TENM4: variants seen among roughly 807,000 people sequenced by gnomAD.
TENM4 encodes teneurin transmembrane protein 4, also known as teneurin-4.
Under a neutral mutation model 243.3 loss-of-function variants are expected in TENM4, and 82 were observed. The ratio of observed to expected loss-of-function variants is 0.34; its 90% CI spans 0.28 to 0.40. The LOEUF (loss-of-function observed/expected upper bound fraction) is 0.40, where lower values mean the gene tolerates loss of function less well. TENM4 is among the 10% of genes least tolerant of loss of function. TENM4 has a pLI of 1.00. For missense variants in TENM4, 3,138 were observed against 3,673.3 expected (o/e 0.85, Z 3.77); for synonymous variants, 1,412 against 1,456.3 (o/e 0.97, Z 0.69).
At chr11:79,119,387 A>G (rs1013134274) in intron 4 of TENM4, among the ~76,000 whole-genome samples, 3 of 151,130 alleles carry the variant, frequency 2.0e-5, no homozygotes, top group Non-Finnish European at 4.4e-5. Context: ...CCTTGTTGTT[A>G]TAAAAATCAT....
chr11:79,437,565 A>G (rs1401336384), intron 1 of TENM4, among the ~76,000 whole-genome samples: 1 of 152,154 alleles, frequency 6.6e-6, no homozygotes, highest in East Asian at 1.9e-4. Flanking sequence ...GCCACCGAGG[A>G]GCCCAAAGTT....
chr11:79,201,855 A>G (rs1209831296), intron 3 of TENM4, among the ~76,000 whole-genome samples: 1 of 152,180 alleles, frequency 6.6e-6, no homozygotes, highest in Admixed American at 6.5e-5. Context: ...GGAATGAGTC[A>G]TCAAGAGGTG....
At chr11:79,344,318 C>T (rs1021313985) in intron 1 of TENM4, among the ~76,000 whole-genome samples, 7 of 152,206 alleles carry the variant, frequency 4.6e-5, no homozygotes, top group East Asian at 1.9e-4. Context: ...AGGGAAGATA[C>T]GTCTCTTCCC....
chr11:79,234,745 G>A (rs1864431919), intron 2 of TENM4, among the ~76,000 whole-genome samples: 1 of 152,142 alleles, frequency 6.6e-6, no homozygotes, highest in Admixed American at 6.5e-5. Flanking sequence ...ATTGCTACGT[G>A]GGAATGGAGG....
intron 6 of TENM4, among the ~76,000 whole-genome samples, chr11:79,013,811 A>G (rs1439748652): frequency 6.6e-6 from 1 of 152,130 alleles, no homozygotes; most frequent in Non-Finnish European, 1.5e-5. Context: ...GCACCCTCCA[A>G]AGGCTCTTCA....
At chr11:78,810,393 G>C (rs1425371869) in intron 14 of TENM4, among the ~76,000 whole-genome samples, 1 of 152,302 alleles carries the variant, frequency 6.6e-6, no homozygotes, top group East Asian at 1.9e-4. Context: ...ATCTGGGGAA[G>C]GACGACTGCC....
chr11:79,204,990 T>C (rs1046155602), intron 3 of TENM4, among the ~76,000 whole-genome samples: 1 of 152,186 alleles, frequency 6.6e-6, no homozygotes, highest in Non-Finnish European at 1.5e-5. Flanking sequence ...TACATACATA[T>C]GTAGTAAAAG....
chr11:78,893,842 A>G (rs143929769), intron 7 of TENM4, among the ~76,000 whole-genome samples: 37 of 133,162 alleles, frequency 2.8e-4, no homozygotes, highest in Middle Eastern at 4.0e-3. Context: ...AAAATAAAGC[A>G]ATACCGGAGC....
rs981453528 is a variant in TENM4, at chr11:79,235,359, T to C, written c.-264-19450A>G. On this transcript the variant is annotated intron_variant, in intron 2 of 33. Transcript: ENST00000278550. The stretch of plus-strand genomic sequence containing the variant: ...CCTGACAAGCATTCCAGTCAAATTC[T>C]GAGAGACAGGGTGGCCCCCCTGTAG... Among the ~76,000 whole-genome samples the C allele has an allele frequency of 2.6e-5, 4 of 152,050 alleles. No homozygotes were observed. In the East Asian group the frequency reaches 7.7e-4, roughly 29 times the overall value.
chr11:78,930,813 T>C (rs916038726), intron 6 of TENM4, among the ~76,000 whole-genome samples: 3 of 152,344 alleles, frequency 2.0e-5, no homozygotes, highest in Admixed American at 2.0e-4. Flanking sequence ...TTCTTCTGAC[T>C]GTGGCAATGA....
intron 15 of TENM4, among the ~76,000 whole-genome samples, chr11:78,802,771 G>A (rs1348003038): frequency 6.6e-6 from 1 of 152,192 alleles, no homozygotes; most frequent in Admixed American, 6.5e-5. Context: ...CTCAACAAAC[G>A]CCAATTGTTT....
intron 1 of TENM4, among the ~76,000 whole-genome samples, chr11:79,333,199 C>A (rs981817742): frequency 3.3e-5 from 5 of 151,992 alleles, no homozygotes; most frequent in African/African-American, 1.2e-4. Context: ...ACATTCAAAA[C>A]AAGGTCTGTC....
At chr11:79,066,248 G>A (rs939005370) in intron 5 of TENM4, among the ~76,000 whole-genome samples, 2 of 152,160 alleles carry the variant, frequency 1.3e-5, no homozygotes, top group African/African-American at 2.4e-5. Context: ...GAGCTTAGAG[G>A]AGAGGTTTGC....
intron 1 of TENM4, among the ~76,000 whole-genome samples, chr11:79,349,188 C>T (rs1036538537): frequency 1.3e-5 from 2 of 152,174 alleles, no homozygotes. Flanking sequence ...TTGAAATTGT[C>T]ACCCCATTTA....
At chr11:79,050,930 C>T (rs1293212622) in intron 6 of TENM4, among the ~76,000 whole-genome samples, 2 of 152,106 alleles carry the variant, frequency 1.3e-5, no homozygotes, top group Non-Finnish European at 2.9e-5. Context: ...TCATCTCTGG[C>T]AGTTAGAGCC....
intron 6 of TENM4, among the ~76,000 whole-genome samples, chr11:78,957,810 A>G (rs1165601441): frequency 3.9e-5 from 6 of 152,210 alleles, no homozygotes; most frequent in Admixed American, 2.0e-4. Context: ...TTCATCTCAT[A>G]TAACAGGGGC....
intron 3 of TENM4, among the ~76,000 whole-genome samples, chr11:79,188,455 A>G (rs1218503125): frequency 6.6e-6 from 1 of 151,916 alleles, no homozygotes; most frequent in African/African-American, 2.4e-5. Context: ...TAGAGTAGAG[A>G]GTTTCAGTGA....
In TENM4 at chr11:79,057,639, T is replaced by C. The variant is rs187118038; in HGVS notation, c.493+7099A>G. ...TCATCAATTTTCCCACTAGAATGTA[T>C]CTCCATGAGAGGGGGCAGTTTTGTC... On this transcript the variant is annotated intron_variant, in intron 6 of 33. Transcript: ENST00000278550. Among the ~76,000 whole-genome samples, 460 of 152,314 alleles carry C rather than the reference T, an allele frequency of 3.0e-3. 1 individual carries two copies. The highest frequency in any genetic ancestry group is 0.011 in the African/African-American group (445 of 41,558).
intron 1 of TENM4, among the ~76,000 whole-genome samples, chr11:79,408,321 G>A (rs1399333606): frequency 6.6e-6 from 1 of 152,230 alleles, no homozygotes; most frequent in East Asian, 1.9e-4. Context: ...CAAGCTCCCA[G>A]GTGAAGCTGA....
Sources: gnomAD v4.1 joint callset for allele counts (sites outside exome capture counted in the v4.1 genomes callset) on GRCh38, gnomAD v4.1.1 for gene constraint, MANE v1.5 for transcripts, NCBI Gene and HGNC (gene_info 2026-07-23, HGNC 2026-07-21) for gene names.